The following PAK5 variants were observed in gnomAD, a reference collection of about 807,000 sequenced individuals.
The protein encoded by PAK5 is serine/threonine-protein kinase PAK 5.
A neutral mutation model predicts 65.9 loss-of-function variants in PAK5; 16 were observed. The observed-to-expected ratio is 0.24, with a 90% CI of 0.16 to 0.37. The LOEUF is 0.37. Among genes scored for constraint, PAK5 ranks in the 10% least tolerant of loss-of-function variants. The probability of loss-of-function intolerance (pLI) is 1.00; values close to 1 mark genes in which losing one functional copy is unlikely to be tolerated. For missense variants in PAK5, 785 were observed against 903.9 expected, an observed-to-expected ratio of 0.87 and a Z score of 1.69; for synonymous variants, 371 against 354.9, an observed-to-expected ratio of 1.05 and a Z score of -0.51.
At chr20:9,774,317 G>C (rs1277821621) in intron 1 of PAK5, among the ~76,000 whole-genome samples, 1 of 152,196 alleles carries the variant, frequency 6.6e-6, no homozygotes, top group Non-Finnish European at 1.5e-5. Flanking sequence ...AACTGTGATA[G>C]AGCAAATTGT....
chr20:9,651,492 A>T (rs2047202759), intron 2 of PAK5, among the ~76,000 whole-genome samples: 1 of 152,168 alleles, frequency 6.6e-6, no homozygotes. Flanking sequence ...ACAATGACTC[A>T]TGGCTCAGTC....
At chr20:9,726,123 AC>A (rs2048274636) in intron 1 of PAK5, among the ~76,000 whole-genome samples, 1 of 151,974 alleles carries the variant, frequency 6.6e-6, no homozygotes, top group Non-Finnish European at 1.5e-5. Context: ...TAATAAAGGT[AC>A]CTTGTCTCTC....
chr20:9,629,290 A>G (rs1409930037), intron 3 of PAK5, among the ~76,000 whole-genome samples: 5 of 152,218 alleles, frequency 3.3e-5, no homozygotes, highest in Admixed American at 2.0e-4. Context: ...TTACATAGCA[A>G]TAGAAAACTA....
intron 2 of PAK5, among the ~76,000 whole-genome samples, chr20:9,697,227 T>C (rs1350424073): frequency 6.6e-6 from 1 of 152,136 alleles, no homozygotes; most frequent in African/African-American, 2.4e-5. Flanking sequence ...TAGTTCACTG[T>C]TTTATTTCTA....
intron 1 of PAK5, among the ~76,000 whole-genome samples, chr20:9,806,723 C>G (rs1781746426): frequency 6.6e-6 from 1 of 152,096 alleles, no homozygotes; most frequent in South Asian, 2.1e-4. Context: ...GATAAGAGAA[C>G]CTAGCATGAC....
chr20:9,563,811 C>T (rs570643219), intron 5 of PAK5, among the ~76,000 whole-genome samples: 1 of 152,160 alleles, frequency 6.6e-6, no homozygotes, highest in Non-Finnish European at 1.5e-5. Context: ...GAAGCCCAGT[C>T]ACCTGGAACT....
intron 1 of PAK5, among the ~76,000 whole-genome samples, chr20:9,811,497 C>G (rs1367602790): frequency 6.6e-6 from 1 of 152,154 alleles, no homozygotes; most frequent in African/African-American, 2.4e-5. Flanking sequence ...AGAGTGAGAA[C>G]AGAAGGGAGA....
chr20:9,709,853 G>T (rs941321147), intron 2 of PAK5, among the ~76,000 whole-genome samples: 5 of 152,026 alleles, frequency 3.3e-5, no homozygotes, highest in African/African-American at 1.2e-4. Context: ...TGCAAATTTG[G>T]ACCTACAAGG....
intron 2 of PAK5, among the ~76,000 whole-genome samples, chr20:9,688,692 A>AGGAG (rs777197813): frequency 2.6e-5 from 4 of 152,022 alleles, no homozygotes; most frequent in Non-Finnish European, 5.9e-5. Context: ...GGATGGGGTG[A>AGGAG]GGAGTGAGTC....
At chr20:9,636,999 A>T (rs1456218146) in intron 3 of PAK5, among the ~76,000 whole-genome samples, 1 of 152,036 alleles carries the variant, frequency 6.6e-6, no homozygotes, top group Non-Finnish European at 1.5e-5. Context: ...ATTAAAACTG[A>T]TAAACTTATT....
At chr20:9,642,960 C>T (rs1156599577) in intron 3 of PAK5, among the ~76,000 whole-genome samples, 3 of 152,264 alleles carry the variant, frequency 2.0e-5, no homozygotes, top group South Asian at 4.1e-4. Flanking sequence ...ATAGAATGAC[C>T]AGCACTGTGC....
chr20:9,792,478 T>C (rs1255540143), intron 1 of PAK5, among the ~76,000 whole-genome samples: 2 of 152,166 alleles, frequency 1.3e-5, no homozygotes, highest in African/African-American at 2.4e-5. Context: ...CCCCAGTCCA[T>C]GACAGTATCA....
intron 3 of PAK5, among the ~76,000 whole-genome samples, chr20:9,622,063 G>A (rs1485141577): frequency 6.6e-6 from 1 of 152,180 alleles, no homozygotes; most frequent in Non-Finnish European, 1.5e-5. Flanking sequence ...CTTCTAGCAA[G>A]CCCAGCCTGA....
intron 2 of PAK5, among the ~76,000 whole-genome samples, chr20:9,688,027 G>A (rs944218031): frequency 6.6e-6 from 1 of 151,946 alleles, no homozygotes; most frequent in Admixed American, 6.6e-5. Context: ...TGGCGATGGT[G>A]GGGGCAGGGA....
At chr20:9,824,181 TTTAAATA>T (rs753824693) in intron 1 of PAK5, among the ~76,000 whole-genome samples, 19 of 152,354 alleles carry the variant, frequency 1.2e-4, no homozygotes, top group Non-Finnish European at 2.2e-4. Flanking sequence ...TTCCATACTT[TTTAAATA>T]TTAGACAGTT....
At chr20:9,707,540 G>C (rs1467571021) in intron 2 of PAK5, among the ~76,000 whole-genome samples, 1 of 152,026 alleles carries the variant, frequency 6.6e-6, no homozygotes, top group East Asian at 1.9e-4. Context: ...AATGTCTTTT[G>C]CAATGTGACT....
At chr20:9,588,876 G>C (rs564994321) in intron 3 of PAK5, among the ~76,000 whole-genome samples, 89 of 152,218 alleles carry the variant, frequency 5.8e-4, no homozygotes, top group African/African-American at 2.1e-3. Flanking sequence ...ATCTATTCAG[G>C]CTCCCAGTGA....
intron 4 of PAK5, among the ~76,000 whole-genome samples, chr20:9,576,772 A>G (rs1477555776): frequency 1.3e-5 from 2 of 152,214 alleles, no homozygotes; most frequent in African/African-American, 4.8e-5. Flanking sequence ...CTCTGCTGTG[A>G]GCATACTAAG....
rs1979378742 is a variant in PAK5 at position 9,838,953 on chromosome 20, A to C, written c.-353T>G. ...CCACAGCTTTCTACTCTCCACCCAA[A>C]CCTCCCCCAGCTACTGAGCATGCCC... On this transcript the variant is annotated 5_prime_UTR_variant, in exon 1 of 10. Transcript: ENST00000353224. This position sits in a 1 kb window ranked among gnomAD's most constrained non-coding sequence, Gnocchi z 4.5. 1 of 152,156 alleles carries C rather than the reference A, an allele frequency of 6.6e-6. No individual in the cohort carries two copies. The highest frequency in any genetic ancestry group is 2.4e-5 in the African/African-American group (1 of 41,230). The allele number at this position is 152,156 out of a possible 1,614,324, so 9.4% of individuals were successfully genotyped here. A position where few individuals can be genotyped will look rare whatever the true frequency, so the allele number is the denominator to read the frequency against.
Sources: gnomAD v4.1 joint callset for allele counts (sites outside exome capture counted in the v4.1 genomes callset) on GRCh38, gnomAD v4.1.1 for gene constraint, Gnocchi (gnomAD v3.1) non-coding constraint, MANE v1.5 for transcripts, NCBI Gene and HGNC (gene_info 2026-07-23, HGNC 2026-07-21) for gene names.